LRRC20: variants seen among roughly 807,000 people sequenced by gnomAD.
LRRC20 encodes the protein leucine-rich repeat-containing protein 20.
A neutral mutation model predicts 14.4 loss-of-function variants in LRRC20; 11 were observed. That is an observed-to-expected ratio of 0.77 (90% CI 0.48 to 1.27). LRRC20 has a LOEUF of 1.27. Ranked by LOEUF, LRRC20 falls within the 50% of genes most tolerant of loss-of-function variation. LRRC20 has a pLI of 0.00. For synonymous variants in LRRC20, 121 were observed against 107.3 expected (o/e 1.13, Z -0.79); for missense variants, 219 against 251.2 (o/e 0.87, Z 0.87).
chr10:70,381,876 T>A (rs1053761914), intron 1 of LRRC20: 7 of 152,328 alleles, frequency 4.6e-5, no homozygotes, highest in African/African-American at 1.7e-4. Context: ...CAGCGCGTGC[T>A]CCCTCGCTAA....
chr10:70,328,469 G>A (rs1204713614), intron 3 of LRRC20, among the ~76,000 whole-genome samples: 2 of 152,030 alleles, frequency 1.3e-5, no homozygotes, highest in African/African-American at 4.8e-5. Flanking sequence ...GCTAATTTCT[G>A]GATTTTTACG....
intron 4 of LRRC20, 116 bp from the exon 5 acceptor site, chr10:70,301,624 C>T: frequency 7.8e-7 from 1 of 1,288,022 alleles, no homozygotes. Flanking sequence ...CTCCATTGCC[C>T]ACTGCACGTG....
chr10:70,317,584 G>T (rs1197316446), intron 4 of LRRC20, among the ~76,000 whole-genome samples: 1 of 152,046 alleles, frequency 6.6e-6, no homozygotes, highest in Non-Finnish European at 1.5e-5. Flanking sequence ...TCACTATGTT[G>T]CTCAGGCTGG....
chr10:70,361,498 G>A (rs1843718672), intron 2 of LRRC20, among the ~76,000 whole-genome samples: 1 of 152,176 alleles, frequency 6.6e-6, no homozygotes, highest in African/African-American at 2.4e-5. Context: ...TGATCAGGAA[G>A]GGCTTCTAGG....
intron 2 of LRRC20, 92 bp downstream of exon 2, chr10:70,376,360 A>G (rs1844506223): frequency 7.8e-7 from 1 of 1,290,260 alleles, no homozygotes; most frequent in South Asian, 1.2e-5. Context: ...GAGGTTGCAC[A>G]CTGACGCTTG....
chr10:70,367,245 G>T (rs1393691506), intron 2 of LRRC20, among the ~76,000 whole-genome samples: 1 of 148,768 alleles, frequency 6.7e-6, no homozygotes, highest in Non-Finnish European at 1.5e-5. Context: ...GGACGCTTGA[G>T]CCCAGGGGGC....
chr10:70,381,908 A>C (rs1284633943), intron 1 of LRRC20: 1 of 152,236 alleles, frequency 6.6e-6, no homozygotes, highest in East Asian at 1.9e-4. Flanking sequence ...CCTCGGACTG[A>C]GCCTCCAGCA....
At chr10:70,375,452 CTGAG>C (rs748084293) in intron 2 of LRRC20, among the ~76,000 whole-genome samples, 10 of 123,044 alleles carry the variant, frequency 8.1e-5, no homozygotes, top group Non-Finnish European at 1.5e-4. Flanking sequence ...ATCCTGAAGG[CTGAG>C]TGTCTCTCCA....
intron 2 of LRRC20, among the ~76,000 whole-genome samples, chr10:70,348,340 C>T (rs867133642): frequency 6.6e-6 from 1 of 152,130 alleles, no homozygotes; most frequent in South Asian, 2.1e-4. Context: ...TCCATGGTCC[C>T]GGGACAAGAA....
intron 1 of LRRC20, among the ~76,000 whole-genome samples, chr10:70,378,630 T>C (rs1053022847): frequency 7.3e-5 from 11 of 151,696 alleles, no homozygotes; most frequent in African/African-American, 2.7e-4. Context: ...CTACTAAAAA[T>C]ACAAAAATTA....
chr10:70,344,946 C>T (rs1263238606), intron 2 of LRRC20, among the ~76,000 whole-genome samples: 2 of 152,026 alleles, frequency 1.3e-5, no homozygotes, highest in Non-Finnish European at 2.9e-5. Context: ...ATTGAAACAC[C>T]GGTTTTTTAA....
intron 2 of LRRC20, among the ~76,000 whole-genome samples, chr10:70,356,264 C>A (rs1843513651): frequency 6.6e-6 from 1 of 152,204 alleles, no homozygotes; most frequent in Non-Finnish European, 1.5e-5. Flanking sequence ...GTAACCCAAG[C>A]ACTTTGGGAG....
chr10:70,304,805 C>T (rs10999256), intron 4 of LRRC20, among the ~76,000 whole-genome samples: 98,641 of 151,918 alleles, frequency 0.65, 32,788 homozygotes, highest in Non-Finnish European at 0.73. Context: ...CTTTTTGTGA[C>T]GGGCTTATGC....
chr10:70,310,819 C>T (rs1242220678), intron 4 of LRRC20, among the ~76,000 whole-genome samples: 1 of 152,248 alleles, frequency 6.6e-6, no homozygotes, highest in East Asian at 1.9e-4. Flanking sequence ...ATTTGCCAGT[C>T]AGGGCCAGGC....
At chr10:70,375,697 G>A (rs1393702536) in intron 2 of LRRC20, among the ~76,000 whole-genome samples, 1 of 152,112 alleles carries the variant, frequency 6.6e-6, no homozygotes, top group Non-Finnish European at 1.5e-5. Context: ...CTCTACAGTG[G>A]TGCCTGCATT....
chr10:70,336,716 G>A (rs754877906), intron 3 of LRRC20, among the ~76,000 whole-genome samples: 4 of 152,188 alleles, frequency 2.6e-5, no homozygotes, highest in Admixed American at 6.5e-5. Context: ...CAACACACAA[G>A]TGATGGTGGC....
At position 70,300,764 on chromosome 10, in the gene LRRC20, C is replaced by T. The variant is rs932512513; in HGVS notation, c.*590G>A. ...GCAGCAGTGCCAGCCCATATTCCCA[C>T]CACAGCTCTCCCAGGACTCCTAGTT... On this transcript the variant is annotated 3_prime_UTR_variant, in exon 5 of 5. Coordinates refer to ENST00000446961, the MANE Select transcript of LRRC20 (RefSeq NM_001278212.2). 4.7e-5 allele frequency: 46 copies of T among 985,626 alleles called. No individual in the cohort carries two copies. Among genetic ancestry groups the T allele is most frequent in the Non-Finnish European group, 5.3e-5 (44 of 830,202 alleles). The allele number at this position is 985,626 out of a possible 1,614,324, so 61.1% of individuals were successfully genotyped here.
intron 2 of LRRC20, among the ~76,000 whole-genome samples, chr10:70,374,476 A>G (rs1844431159): frequency 6.6e-6 from 1 of 151,458 alleles, no homozygotes; most frequent in Admixed American, 6.6e-5. Flanking sequence ...TCAGCCTCCC[A>G]AGTAGCTGGG....
intron 2 of LRRC20, among the ~76,000 whole-genome samples, chr10:70,345,336 A>G (rs1843037582): frequency 6.6e-6 from 1 of 152,180 alleles, no homozygotes; most frequent in Non-Finnish European, 1.5e-5. Context: ...ATAGAATTAC[A>G]CGTTAAATAT....
Sources: gnomAD v4.1 joint callset for allele counts (sites outside exome capture counted in the v4.1 genomes callset) on GRCh38, gnomAD v4.1.1 for gene constraint, MANE v1.5 for transcripts, NCBI Gene and HGNC (gene_info 2026-07-23, HGNC 2026-07-21) for gene names.